The following BEST3 variants were observed in gnomAD, a reference collection of about 807,000 sequenced individuals.
BEST3 encodes the protein bestrophin 3, also known as bestrophin-3.
BEST3 carries 50 observed loss-of-function variants against 47.1 expected under a neutral mutation model. That is an observed-to-expected ratio of 1.06 (90% CI 0.85 to 1.34). BEST3 has a LOEUF of 1.34. Among genes scored for constraint, BEST3 ranks in the 40% most tolerant of loss-of-function variants. BEST3 has a pLI of 0.00. For synonymous variants in BEST3, 282 were observed against 298.8 expected (o/e 0.94, Z 0.58); for missense variants, 765 against 817.0 (o/e 0.94, Z 0.78).
chr12:69,679,896 T>C (rs1592356900), intron 4 of BEST3, among the ~76,000 whole-genome samples: 1 of 137,880 alleles, frequency 7.3e-6, no homozygotes, highest in Non-Finnish European at 1.6e-5. Context: ...TGTGTGTGTG[T>C]GCATGTGTGT....
In BEST3 at chr12:69,654,671, G is replaced by GT; in HGVS notation, c.*235_*236insA. The stretch of plus-strand genomic sequence containing the variant: ...AAGACTTATTTGGCTAAATCACTGT[G>GT]GTCTGTGTAACTTCTGATGAAAGCC... On this transcript the variant is annotated 3_prime_UTR_variant, in exon 10 of 10. Transcript: ENST00000330891. 7.9e-7 allele frequency: 1 copy of GT among 1,272,772 alleles called. No individual in the cohort carries two copies. The highest frequency in any genetic ancestry group is 9.9e-7 in the Non-Finnish European group (1 of 1,008,940). 78.8% of individuals were successfully genotyped at this position (1,272,772 alleles called of 1,614,324 possible). A position where few individuals can be genotyped will look rare whatever the true frequency, so the allele number is the denominator to read the frequency against.
chr12:69,686,197 A>C (rs1229966015), intron 4 of BEST3, among the ~76,000 whole-genome samples: 1 of 151,576 alleles, frequency 6.6e-6, no homozygotes, highest in Non-Finnish European at 1.5e-5. Context: ...AAAAAAAAAA[A>C]ACAAACAGCC....
chr12:69,668,654 C>A (rs892859566), intron 9 of BEST3, among the ~76,000 whole-genome samples: 1 of 152,152 alleles, frequency 6.6e-6, no homozygotes, highest in Non-Finnish European at 1.5e-5. Flanking sequence ...ATAATAGCAC[C>A]CTGCTTTTTC....
intron 9 of BEST3, among the ~76,000 whole-genome samples, chr12:69,646,140 G>C (rs376136449): frequency 1.3e-5 from 2 of 152,142 alleles, no homozygotes; most frequent in Admixed American, 1.3e-4. Context: ...GTTTTGCCAT[G>C]TTGGCCAGGA....
chr12:69,695,713 G>A (rs1008361077), intron 2 of BEST3, among the ~76,000 whole-genome samples: 4 of 152,278 alleles, frequency 2.6e-5, no homozygotes, highest in Admixed American at 2.6e-4. Context: ...TTTGGACTTT[G>A]AGCATATTTT....
chr12:69,694,387 G>T lies in BEST3; in HGVS notation c.230C>A (p.Pro77Gln). ...IYCDRYAEQI[P>Q]VTFVLGFYVT... ...ATACTTACCAAGCACAAAGGTTACT[G>T]GAATTTGTTCAGCATATCTGTCACA... The change falls in exon 3 of 10, where the codon CCA becomes CAA. Residue 77 changes from proline (P) to glutamine (Q), a missense_variant. Physicochemically the swap from Pro to Gln is moderately conservative, Grantham distance 76. Transcript: ENST00000330891. 1.2e-6 allele frequency: 2 copies of T among 1,605,184 alleles called. No individual in the cohort carries two copies. The highest frequency in any genetic ancestry group is 2.2e-5 in the South Asian group (2 of 89,880).
chr12:69,658,057 G>T (rs965916690), intron 9 of BEST3, among the ~76,000 whole-genome samples: 3 of 152,280 alleles, frequency 2.0e-5, no homozygotes. Flanking sequence ...GACACCAGAG[G>T]AGCCACAAGT....
intron 3 of BEST3, 173 bp from the exon 4 acceptor site, chr12:69,694,080 C>A (rs1221771414): frequency 1.3e-5 from 8 of 605,026 alleles, no homozygotes; most frequent in Non-Finnish European, 2.3e-5. Flanking sequence ...CCTGGCAATG[C>A]CTAAGCACCC....
Position 69,675,888 on chromosome 12 carries a change from G to A in BEST3, c.867+1028C>T, listed in dbSNP as rs546175686. Among the ~76,000 whole-genome samples the A allele has an allele frequency of 4.4e-4, 67 of 152,264 alleles. 2 individuals carry two copies. The highest frequency in any genetic ancestry group is 3.6e-4 in the African/African-American group (15 of 41,558). On this transcript the variant is annotated intron_variant, in intron 7 of 9. Transcript: ENST00000330891. ...CAACCTGAAGGCCCCAGTGGGTCAC[G>A]ACAAGGTATGGCTCTTTGGAAGGCC...
chr12:69,697,946 T>G (rs1886195532), intron 1 of BEST3, 133 bp from the exon 2 acceptor site: 1 of 686,728 alleles, frequency 1.5e-6, no homozygotes, highest in African/African-American at 1.8e-5. Flanking sequence ...TTTCTTAGTT[T>G]CTATAATTCG....
At chr12:69,669,857 G>A (rs905819006) in intron 9 of BEST3, 1 of 152,242 alleles carries the variant, frequency 6.6e-6, no homozygotes, top group South Asian at 2.1e-4. Flanking sequence ...GGATAAATAA[G>A]TAGGTCAGGA....
chr12:69,671,324 G>T (rs1884555942), intron 9 of BEST3, 104 bp downstream of exon 9: 3 of 1,185,542 alleles, frequency 2.5e-6, no homozygotes, highest in Non-Finnish European at 2.3e-6. Flanking sequence ...ATCACAGTTG[G>T]CTACTTTAAA....
At chr12:69,673,481 A>C (rs935992273) in intron 7 of BEST3, among the ~76,000 whole-genome samples, 1 of 152,202 alleles carries the variant, frequency 6.6e-6, no homozygotes, top group Non-Finnish European at 1.5e-5. Context: ...CCTGTTGCCC[A>C]GGCTGGAGTG....
chr12:69,675,205 G>C (rs1424445217), intron 7 of BEST3, among the ~76,000 whole-genome samples: 1 of 151,896 alleles, frequency 6.6e-6, no homozygotes, highest in Non-Finnish European at 1.5e-5. Flanking sequence ...CTGCACCCTC[G>C]GCCTCCTGGG....
chr12:69,647,470 C>T (rs61928454), intron 9 of BEST3, among the ~76,000 whole-genome samples: 3,807 of 152,234 alleles, frequency 0.025, 71 homozygotes, highest in Non-Finnish European at 0.041. Context: ...AGTTTTATTT[C>T]TTTTCTTCCA....
At chr12:69,656,918 A>C (rs1254901079) in intron 9 of BEST3, among the ~76,000 whole-genome samples, 2 of 152,112 alleles carry the variant, frequency 1.3e-5, no homozygotes, top group African/African-American at 4.8e-5. Flanking sequence ...TGTCTGTACA[A>C]TTAGGGTTAA....
At chr12:69,653,228 A>T (rs1377276634), downstream of BEST3, among the ~76,000 whole-genome samples, 1 of 152,220 alleles carries the variant, frequency 6.6e-6, no homozygotes, top group Non-Finnish European at 1.5e-5. Flanking sequence ...GCCCTTCTCT[A>T]TGAATGCATA....
At chr12:69,673,929 T>C (rs889396858) in intron 7 of BEST3, among the ~76,000 whole-genome samples, 4 of 152,220 alleles carry the variant, frequency 2.6e-5, no homozygotes, top group South Asian at 2.1e-4. Context: ...ATTTGATCAA[T>C]ATTAAATATT....
chr12:69,648,699 CA>C (rs1883117183), downstream of BEST3, among the ~76,000 whole-genome samples: 1 of 152,158 alleles, frequency 6.6e-6, no homozygotes, highest in African/African-American at 2.4e-5. Flanking sequence ...ACTATGAATA[CA>C]AGTCCAACTG....
Sources: allele counts gnomAD v4.1 joint callset (sites outside exome capture counted in the v4.1 genomes callset), GRCh38; gene constraint gnomAD v4.1.1; transcripts MANE v1.5; gene names NCBI Gene and HGNC (gene_info 2026-07-23, HGNC 2026-07-21).